Variants in LDHAL6A observed in about 807,000 individuals in gnomAD.
The protein encoded by LDHAL6A is L-lactate dehydrogenase A-like 6A.
A neutral mutation model predicts 28.2 loss-of-function variants in LDHAL6A; 19 were observed. The ratio of observed to expected loss-of-function variants is 0.67; its 90% CI spans 0.47 to 0.99. The LOEUF (loss-of-function observed/expected upper bound fraction) is 0.99. Among genes scored for constraint, LDHAL6A ranks in the 50% least tolerant of loss-of-function variants. The pLI is 0.00. For missense variants in LDHAL6A, 372 were observed against 398.6 expected (o/e 0.93, Z 0.57); for synonymous variants, 144 against 134.4 (o/e 1.07, Z -0.49).
At chr11:18,464,977 G>GTTTTTTTGTTTTTTTTTTT (rs1565068683) in intron 2 of LDHAL6A, among the ~76,000 whole-genome samples, 6 of 125,488 alleles carry the variant, frequency 4.8e-5, no homozygotes, top group East Asian at 2.0e-4. Context: ...TGTTTTTTTT[G>GTTTTTTTGTTTTTTTTTTT]TTTTTTTTTG....
At chr11:18,469,246 T>C (rs1348413220) in intron 3 of LDHAL6A, 2 of 609,562 alleles carry the variant, frequency 3.3e-6, no homozygotes, top group Non-Finnish European at 5.8e-6. Context: ...TCACATTTAC[T>C]GTTTGTGTTA....
intron 3 of LDHAL6A, among the ~76,000 whole-genome samples, chr11:18,467,898 T>TATATATATATATACACACACACACAC: frequency 1.5e-5 from 1 of 68,204 alleles, no homozygotes; most frequent in African/African-American, 8.5e-5. Flanking sequence ...TATATATATA[T>TATATATATATATACACACACACACAC]ATATATATAT....
intron 3 of LDHAL6A, among the ~76,000 whole-genome samples, chr11:18,467,461 A>G (rs1279772932): frequency 6.6e-6 from 1 of 152,174 alleles, no homozygotes; most frequent in Non-Finnish European, 1.5e-5. Flanking sequence ...AACTTAATAT[A>G]TCATGAAGCT....
intron 4 of LDHAL6A, among the ~76,000 whole-genome samples, chr11:18,475,989 TG>T (rs1331338424): frequency 4.2e-5 from 2 of 48,032 alleles, no homozygotes; most frequent in Admixed American, 3.2e-4. Flanking sequence ...GATTAAGGGA[TG>T]GGTATAACTG....
chr11:18,462,462 C>A (rs1848940520), intron 1 of LDHAL6A, among the ~76,000 whole-genome samples: 1 of 151,710 alleles, frequency 6.6e-6, no homozygotes, highest in Non-Finnish European at 1.5e-5. Context: ...ACGGTGAAAC[C>A]CCGTCTCTAC....
At chr11:18,474,267 T>C (rs569550662) in intron 3 of LDHAL6A, among the ~76,000 whole-genome samples, 11 of 150,080 alleles carry the variant, frequency 7.3e-5, no homozygotes, top group African/African-American at 2.0e-4. Flanking sequence ...TTAGTAGAGA[T>C]GGGGTTTCAC....
intron 1 of LDHAL6A, among the ~76,000 whole-genome samples, chr11:18,457,660 C>T (rs1231192738): frequency 6.6e-6 from 1 of 152,064 alleles, no homozygotes; most frequent in African/African-American, 2.4e-5. Context: ...CAGCAGTGTC[C>T]TCACTGCTAA....
Position 18,465,807 on chromosome 11 carries a change from C to A in LDHAL6A, c.415C>A (p.Pro139Thr), listed in dbSNP as rs779071646. Residue 139 changes from proline to threonine, a missense_variant, in exon 3 of 7, where the codon CCA (proline) becomes ACA (threonine). Pro to Thr is a conservative substitution (Grantham distance 38). Around this residue, in one of 3 missense-constraint regions of LDHAL6A, gnomAD observed 291 missense variants for 302.9 expected, o/e 0.96. Coordinates refer to ENST00000280706, the MANE Select transcript of LDHAL6A (RefSeq NM_144972.5). ...CTGCAAACTGCTTATTGTTACTAATCCAGGTCAGCTTTGTTGTTTTAAATT... is the reference window on the plus strand; with the variant it reads ...CTGCAAACTGCTTATTGTTACTAATACAGGTCAGCTTTGTTGTTTTAAATT... Reference protein sequence around the residue: ...PHCKLLIVTNPVDILTYVAWK... With the variant: ...PHCKLLIVTNTVDILTYVAWK... The A allele has an allele frequency of 6.2e-7, 1 of 1,609,710 alleles. No homozygotes were observed. The highest frequency in any genetic ancestry group is 2.2e-5 in the East Asian group (1 of 44,834).
Position 18,468,027 on chromosome 11 carries a change from ATATATATATACATATATATACG to A in LDHAL6A, c.418+2228_418+2249del, listed in dbSNP as rs1565071688. ...CGTATATATATACATATATATACGT[ATATATATATACATATATATACG>A]TATATATATATACATATATATATAT... On this transcript the variant is annotated intron_variant, in intron 3 of 6. Transcript: ENST00000280706. Among the ~76,000 whole-genome samples the A allele has an allele frequency of 1.9e-3, 105 of 55,950 alleles. 5 individuals carry two copies. The highest frequency in any genetic ancestry group is 0.01 in the South Asian group (14 of 1,348). 36.7% of individuals were successfully genotyped at this position (55,950 alleles called of 152,430 possible). A position where few individuals can be genotyped will look rare whatever the true frequency, so the allele number is the denominator to read the frequency against.
In LDHAL6A at chr11:18,479,463, A is replaced by G. The variant is rs1849484495; in HGVS notation, c.*593A>G. 6.6e-6 allele frequency: 1 copy of G among 152,078 alleles called. No homozygotes were observed. The highest frequency in any genetic ancestry group is 2.4e-5 in the African/African-American group (1 of 41,372). 9.4% of individuals were successfully genotyped at this position (152,078 alleles called of 1,614,324 possible). ...TCCTGATTCTTTTCATCAGGTGCAT[A>G]GTAATTCTTCTCTATGGCTTAATAC... On this transcript the variant is annotated 3_prime_UTR_variant, in exon 7 of 7. Coordinates refer to ENST00000280706, the MANE Select transcript of LDHAL6A (RefSeq NM_144972.5).
At chr11:18,457,737 G>A (rs1384371856) in intron 1 of LDHAL6A, among the ~76,000 whole-genome samples, 3 of 152,100 alleles carry the variant, frequency 2.0e-5, no homozygotes, top group Non-Finnish European at 2.9e-5. Context: ...GGGCCTCCAC[G>A]TATTGCCCAG....
Position 18,478,786 on chromosome 11 carries a change from A to C in LDHAL6A, c.915A>C (p.Lys305Asn). The C allele has an allele frequency of 6.2e-7, 1 of 1,613,952 alleles. No homozygotes were observed. The highest frequency in any genetic ancestry group is 1.7e-5 in the Admixed American group (1 of 60,020). Residue 305 changes from lysine to asparagine, a missense_variant, in exon 7 of 7, where the codon AAA becomes AAC. Transcript: ENST00000280706. Reference protein sequence around the residue: ...LGENGITDLIKVKLTLEEEAC... With the variant: ...LGENGITDLINVKLTLEEEAC... Reference sequence around the variant, plus strand: ...AGAATGGTATCACAGACCTCATAAAAGTAAAACTGACTCTTGAAGAGGAGG... The same window carrying C: ...AGAATGGTATCACAGACCTCATAAACGTAAAACTGACTCTTGAAGAGGAGG...
intron 2 of LDHAL6A, among the ~76,000 whole-genome samples, chr11:18,465,426 GTTTTTTTT>G (rs5790038): frequency 3.6e-5 from 5 of 139,988 alleles, no homozygotes; most frequent in Non-Finnish European, 7.8e-5. Flanking sequence ...CATGACTTAC[GTTTTTTTT>G]TTTTTTTTTA....
intron 1 of LDHAL6A, among the ~76,000 whole-genome samples, chr11:18,462,234 C>G (rs1425290592): frequency 6.6e-6 from 1 of 151,954 alleles, no homozygotes; most frequent in African/African-American, 2.4e-5. Context: ...CGGATTAAGG[C>G]TTGTGCCTGT....
intron 3 of LDHAL6A, among the ~76,000 whole-genome samples, chr11:18,467,956 CGTAT>C (rs1849135618): frequency 5.2e-5 from 1 of 19,064 alleles, no homozygotes; most frequent in Non-Finnish European, 9.3e-5. Context: ...TATATATATA[CGTAT>C]ATATATACGT....
chr11:18,467,954 T>G (rs1464680795), intron 3 of LDHAL6A, among the ~76,000 whole-genome samples: 1 of 45,502 alleles, frequency 2.2e-5, no homozygotes, highest in Admixed American at 3.1e-4. Context: ...CATATATATA[T>G]ACGTATATAT....
Position 18,462,553 on chromosome 11 carries a change from C to G in LDHAL6A, c.127-1408C>G, listed in dbSNP as rs571089686. On this transcript the variant is annotated intron_variant, in intron 1 of 6. Transcript: ENST00000280706. The stretch of plus-strand genomic sequence containing the variant: ...TCGGGAGGCTGAGGCAGGAGAATGG[C>G]GTGAACCTGGGAGGCGGAGCTTGCA... Among the ~76,000 whole-genome samples the G allele has an allele frequency of 8.0e-4, 120 of 150,776 alleles. 1 individual carries two copies. The highest frequency in any genetic ancestry group is 2.9e-3 in the African/African-American group (118 of 40,826).
chr11:18,455,906 GCCAAGCATCACAC>G lies in LDHAL6A; in HGVS notation c.-773_-761del, dbSNP rs1848739869. 2 of 151,846 alleles carry G rather than the reference GCCAAGCATCACAC, an allele frequency of 1.3e-5. No individual in the cohort carries two copies. The highest frequency in any genetic ancestry group is 2.4e-5 in the African/African-American group (1 of 41,186). 9.4% of individuals were successfully genotyped at this position (151,846 alleles called of 1,614,324 possible). A position where few individuals can be genotyped will look rare whatever the true frequency, so the allele number is the denominator to read the frequency against. On this transcript the variant is annotated 5_prime_UTR_variant, in exon 1 of 7. Transcript: ENST00000280706. Reference sequence around the variant, plus strand: ...ATCACACCTGCCAAGCATCACACCTGCCAAGCATCACACCTGCCAAGCATCACACCTGCGATGC... The same window carrying G: ...ATCACACCTGCCAAGCATCACACCTGCTGCCAAGCATCACACCTGCGATGC...
intron 3 of LDHAL6A, among the ~76,000 whole-genome samples, chr11:18,472,171 A>C (rs1849270941): frequency 6.6e-6 from 1 of 152,224 alleles, no homozygotes; most frequent in Admixed American, 6.5e-5. Flanking sequence ...GGCCTGGCAG[A>C]GGTCCCCCAA....
Sources: gnomAD v4.1 joint callset for allele counts (sites outside exome capture counted in the v4.1 genomes callset) on GRCh38, gnomAD v4.1.1 for gene constraint, gnomAD v4.1.1 regional missense constraint, MANE v1.5 for transcripts, NCBI Gene and HGNC (gene_info 2026-07-23, HGNC 2026-07-21) for gene names.